TJP1: variants seen among roughly 807,000 people sequenced by gnomAD.
The protein encoded by TJP1 is tight junction protein 1, also known as tight junction protein ZO-1.
A neutral mutation model predicts 194.2 loss-of-function variants in TJP1; 43 were observed. The observed-to-expected ratio is 0.22, with a 90% CI of 0.17 to 0.29. The LOEUF is 0.29. Ranked by LOEUF, TJP1 falls within the 10% of genes least tolerant of loss-of-function variation. The pLI is 1.00. For missense variants in TJP1, 1,971 were observed against 2,185.7 expected, an observed-to-expected ratio of 0.90 and a Z score of 1.96; for synonymous variants, 801 against 779.0, an observed-to-expected ratio of 1.03 and a Z score of -0.47.
intron 8 of TJP1, among the ~76,000 whole-genome samples, chr15:29,753,170 G>A (rs771061175): frequency 6.6e-6 from 1 of 152,060 alleles, no homozygotes. Context: ...CCAAATGATA[G>A]CAGGGATCTT....
At chr15:29,765,118 GT>G (rs1352244937) in intron 5 of TJP1, among the ~76,000 whole-genome samples, 2 of 152,140 alleles carry the variant, frequency 1.3e-5, no homozygotes, top group Non-Finnish European at 2.9e-5. Context: ...AAAATAAGGA[GT>G]GGTTAACCAT....
chr15:29,756,190 C>G (rs2045633255), intron 8 of TJP1, among the ~76,000 whole-genome samples: 1 of 152,142 alleles, frequency 6.6e-6, no homozygotes, highest in Admixed American at 6.5e-5. Context: ...TCACCATCAA[C>G]TGTGGGCTCT....
rs1232505870 is a variant in TJP1 at position 29,718,889 on chromosome 15, G to T, written c.3253C>A (p.Pro1085Thr). ...TATGACCACTGTTCTTCATACATGG[G>T]GACGCGATCTTCGTATCGCAGACGA... ...EHRLRYEDRVPMYEEQWSYYD... is the reference protein window; with the variant it reads ...EHRLRYEDRVTMYEEQWSYYD... The change falls in exon 21 of 28, where the codon CCC becomes ACC. Residue 1085 changes from proline (P) to threonine (T), a missense_variant. By Grantham distance (38) the Pro-to-Thr change is conservative. Transcript: ENST00000614355. 4.3e-6 allele frequency: 7 copies of T among 1,614,154 alleles called. No homozygotes were observed. The highest frequency in any genetic ancestry group is 1.3e-5 in the African/African-American group (1 of 75,018).
intron 1 of TJP1, among the ~76,000 whole-genome samples, chr15:29,801,865 C>CA (rs1315578995): frequency 6.6e-6 from 1 of 151,252 alleles, no homozygotes; most frequent in Admixed American, 6.6e-5. Context: ...AATACACTAA[C>CA]ACTAATGAAA....
chr15:29,836,713 G>C (rs572553582), intron 2 of TJP1, among the ~76,000 whole-genome samples: 20 of 152,120 alleles, frequency 1.3e-4, no homozygotes, highest in Non-Finnish European at 2.1e-4. Context: ...TATGAAGTGG[G>C]GCCTTCAGAG....
chr15:29,820,376 C>T, intron 1 of TJP1: 1 of 613,846 alleles, frequency 1.6e-6, no homozygotes, highest in Admixed American at 2.7e-5. Context: ...CTCCATAATA[C>T]AGCATCTTAA....
At chr15:29,892,240 T>C (rs2053335970) in intron 2 of TJP1, among the ~76,000 whole-genome samples, 1 of 152,178 alleles carries the variant, frequency 6.6e-6, no homozygotes, top group Admixed American at 6.5e-5. Context: ...TTCAATTCTG[T>C]GAAGGCTAAG....
intron 2 of TJP1, among the ~76,000 whole-genome samples, chr15:29,949,304 A>T (rs1350337103): frequency 8.6e-6 from 1 of 115,904 alleles, no homozygotes. Flanking sequence ...CTCCACCACC[A>T]CCACCTCCAC....
chr15:29,915,427 A>C (rs1409499657), intron 2 of TJP1, among the ~76,000 whole-genome samples: 1 of 152,216 alleles, frequency 6.6e-6, no homozygotes, highest in Non-Finnish European at 1.5e-5. Flanking sequence ...TCCCACTGTC[A>C]GCCAACATCA....
At chr15:29,803,428 T>C (rs982028112) in intron 1 of TJP1, among the ~76,000 whole-genome samples, 3 of 152,148 alleles carry the variant, frequency 2.0e-5, no homozygotes, top group African/African-American at 7.2e-5. Flanking sequence ...CCCAACTATA[T>C]ACTAATGTAA....
intron 8 of TJP1, among the ~76,000 whole-genome samples, chr15:29,749,561 T>A (rs2045104169): frequency 6.6e-6 from 1 of 152,002 alleles, no homozygotes; most frequent in Non-Finnish European, 1.5e-5. Context: ...GTGCCCAGCA[T>A]CCTAAAGTAC....
At chr15:29,873,818 C>T (rs2052607702) in intron 2 of TJP1, among the ~76,000 whole-genome samples, 1 of 152,102 alleles carries the variant, frequency 6.6e-6, no homozygotes, top group Admixed American at 6.5e-5. Flanking sequence ...GCCATTTCAA[C>T]ACGAACAGGT....
In TJP1 at chr15:29,720,404, G is replaced by C; in HGVS notation, c.2717C>G (p.Pro906Arg). The C allele has an allele frequency of 1.2e-6, 2 of 1,611,558 alleles. No individual in the cohort carries two copies. The highest frequency in any genetic ancestry group is 8.5e-7 in the Non-Finnish European group (1 of 1,178,750). ...TCCAGGGGAGTCTATTCTATGAATT[G>C]GTTGTGGCTGCGCTTGTGGTGAGTA... ...PPYSPQAQPQ[P>R]IHRIDSPGFK... The change falls in exon 19 of 28, where the codon CCA becomes CGA. Residue 906 changes from proline to arginine, a missense_variant. Coordinates refer to ENST00000614355, the MANE Select transcript of TJP1 (RefSeq NM_001330239.4).
chr15:29,858,342 A>G (rs1384023761), intron 2 of TJP1, among the ~76,000 whole-genome samples: 1 of 152,116 alleles, frequency 6.6e-6, no homozygotes, highest in Non-Finnish European at 1.5e-5. Flanking sequence ...CAGAGGTTGC[A>G]ATGAGCCGAA....
At chr15:29,841,504 C>T (rs1400407386) in intron 2 of TJP1, among the ~76,000 whole-genome samples, 1 of 152,152 alleles carries the variant, frequency 6.6e-6, no homozygotes, top group African/African-American at 2.4e-5. Context: ...TATGAAAAGG[C>T]TGCATTTCTT....
chr15:29,758,840 C>T (rs2045817888), intron 8 of TJP1: 1 of 152,080 alleles, frequency 6.6e-6, no homozygotes, highest in African/African-American at 2.4e-5. Flanking sequence ...ACGTAACATG[C>T]CATAATATTC....
intron 2 of TJP1, among the ~76,000 whole-genome samples, chr15:29,902,439 TA>T (rs35623216): frequency 1.3e-5 from 2 of 152,148 alleles, no homozygotes; most frequent in Non-Finnish European, 2.9e-5. Context: ...CTTCATTTTT[TA>T]AAAAAACTTT....
At chr15:29,844,398 T>A (rs932450876) in intron 2 of TJP1, among the ~76,000 whole-genome samples, 1 of 152,142 alleles carries the variant, frequency 6.6e-6, no homozygotes, top group Non-Finnish European at 1.5e-5. Flanking sequence ...GAAACGCTGC[T>A]GCTGTGCAGA....
At chr15:29,724,650 G>C (rs1250048933) in intron 18 of TJP1, among the ~76,000 whole-genome samples, 1 of 152,134 alleles carries the variant, frequency 6.6e-6, no homozygotes, top group Admixed American at 6.5e-5. Context: ...CTAGCAATTA[G>C]GTCAAAGTAG....
Sources: allele counts gnomAD v4.1 joint callset (sites outside exome capture counted in the v4.1 genomes callset), GRCh38; gene constraint gnomAD v4.1.1; transcripts MANE v1.5; gene names NCBI Gene and HGNC (gene_info 2026-07-23, HGNC 2026-07-21).